The following PTAFR variants were observed in gnomAD, a reference collection of about 807,000 sequenced individuals.
PTAFR encodes platelet-activating factor receptor.
PTAFR carries 8 observed loss-of-function variants against 14.7 expected under a neutral mutation model. That is an observed-to-expected ratio of 0.54 (90% CI 0.32 to 0.98). PTAFR has a LOEUF of 0.98. Ranked by LOEUF, PTAFR falls within the 50% of genes least tolerant of loss-of-function variation. The pLI, the probability that PTAFR is intolerant of heterozygous loss-of-function variation, is 0.04. For missense variants in PTAFR, 337 were observed against 451.2 expected (o/e 0.75, Z 2.29); for synonymous variants, 156 against 176.5 (o/e 0.88, Z 0.92).
chr1:28,180,273 G>A (rs1429679600), upstream of PTAFR, among the ~76,000 whole-genome samples: 3 of 152,150 alleles, frequency 2.0e-5, no homozygotes, highest in East Asian at 1.9e-4. Context: ...CCAACTACCC[G>A]GGAGGCTGAG....
At chr1:28,167,815 G>A (rs918978594) in intron 1 of PTAFR, among the ~76,000 whole-genome samples, 2 of 143,818 alleles carry the variant, frequency 1.4e-5, no homozygotes, top group Admixed American at 7.0e-5. Flanking sequence ...ATTTTTGTAC[G>A]TTTAGTAGAG....
chr1:28,149,584 G>GTATCATTAAAAAA lies in PTAFR; in HGVS notation c.*408_*409insTTTTTTAATGATA. The GTATCATTAAAAAA allele has an allele frequency of 5.6e-6, 1 of 177,868 alleles. No individual in the cohort carries two copies. Among genetic ancestry groups the GTATCATTAAAAAA allele is most frequent in the South Asian group, 1.2e-4 (1 of 8,168 alleles). The allele number at this position is 177,868 out of a possible 1,614,324, so 11.0% of individuals were successfully genotyped here. The stretch of plus-strand genomic sequence containing the variant: ...TCTTGACCCATGATCTGCCCACCTC[G>GTATCATTAAAAAA]GCCTCCCAAAGTGCTGGGATTACAG... On this transcript the variant is annotated 3_prime_UTR_variant, in exon 2 of 2. Coordinates refer to ENST00000373857, the MANE Select transcript of PTAFR (RefSeq NM_000952.5).
chr1:28,170,041 G>C (rs981080730), intron 1 of PTAFR, among the ~76,000 whole-genome samples: 7 of 151,534 alleles, frequency 4.6e-5, no homozygotes, highest in Admixed American at 1.3e-4. Context: ...GGTCTACAGT[G>C]AGAGCTCATT....
chr1:28,184,936 G>A (rs1646594195), intron 1 of PTAFR, among the ~76,000 whole-genome samples: 2 of 151,506 alleles, frequency 1.3e-5, no homozygotes, highest in African/African-American at 2.4e-5. Context: ...CACCATGCCC[G>A]GCCTCACCTC....
chr1:28,182,836 A>G (rs1431240770), intron 1 of PTAFR, among the ~76,000 whole-genome samples: 1 of 152,080 alleles, frequency 6.6e-6, no homozygotes, highest in Non-Finnish European at 1.5e-5. Flanking sequence ...ACCTGCCACC[A>G]TCCCTGGCTA....
intron 1 of PTAFR, among the ~76,000 whole-genome samples, chr1:28,160,662 T>C (rs1646313850): frequency 6.6e-6 from 1 of 150,400 alleles, no homozygotes; most frequent in Non-Finnish European, 1.5e-5. Flanking sequence ...ACCTAGGAGA[T>C]TGTATACTTG....
intron 1 of PTAFR, among the ~76,000 whole-genome samples, chr1:28,169,930 G>A (rs1203821955): frequency 6.6e-6 from 1 of 151,714 alleles, no homozygotes; most frequent in African/African-American, 2.4e-5. Flanking sequence ...AACCCAGGAG[G>A]CAGAGATTGC....
chr1:28,181,655 T>C (rs1001052945), upstream of PTAFR, among the ~76,000 whole-genome samples: 3 of 151,950 alleles, frequency 2.0e-5, no homozygotes, highest in Non-Finnish European at 4.4e-5. Context: ...GGCAGGAGAA[T>C]TGCTTGAACC....
intron 1 of PTAFR, among the ~76,000 whole-genome samples, chr1:28,174,003 G>A (rs932607272): frequency 2.6e-5 from 4 of 152,062 alleles, no homozygotes; most frequent in Non-Finnish European, 4.4e-5. Context: ...ATATGCTCCC[G>A]GCCCATCATT....
intron 1 of PTAFR, among the ~76,000 whole-genome samples, chr1:28,155,663 G>A (rs1646256115): frequency 6.6e-6 from 1 of 152,106 alleles, no homozygotes; most frequent in Admixed American, 6.6e-5. Context: ...CCAGGGGTTT[G>A]AGACCAGCCT....
At position 28,184,096 on chromosome 1, in the gene PTAFR, T is replaced by G. The variant is rs868005452; in HGVS notation, c.-39+9626A>C. Among the ~76,000 whole-genome samples the G allele has an allele frequency of 3.7e-3, 471 of 127,802 alleles. 3 individuals carry two copies. Among genetic ancestry groups the G allele is most frequent in the African/African-American group, 0.011 (313 of 28,996 alleles). 83.8% of individuals were successfully genotyped at this position (127,802 alleles called of 152,430 possible). On this transcript the variant is annotated intron_variant, in intron 1 of 1. Coordinates refer to the PTAFR transcript ENST00000305392. Reference sequence around the variant, plus strand: ...CCCATTAGTCTGTTTTTTTTTTTTTTTTTTTTTTTTTTTTGAGCTGGAGTC... The same window carrying G: ...CCCATTAGTCTGTTTTTTTTTTTTTGTTTTTTTTTTTTTTGAGCTGGAGTC...
At chr1:28,184,045 C>T (rs1432998057) in intron 1 of PTAFR, among the ~76,000 whole-genome samples, 2 of 151,076 alleles carry the variant, frequency 1.3e-5, no homozygotes, top group East Asian at 1.9e-4. Context: ...CCTCCTCCCT[C>T]GTCTCCCTGC....
chr1:28,155,781 T>G (rs1646257370), intron 1 of PTAFR, among the ~76,000 whole-genome samples: 2 of 151,956 alleles, frequency 1.3e-5, no homozygotes, highest in African/African-American at 2.4e-5. Flanking sequence ...GGTGGAAGGA[T>G]CAATTGAGCC....
chr1:28,189,790 C>T (rs919419102), intron 1 of PTAFR, among the ~76,000 whole-genome samples: 2 of 150,734 alleles, frequency 1.3e-5, no homozygotes, highest in South Asian at 4.2e-4. Context: ...CTCAGCCTCC[C>T]GAGTAGCAGA....
intron 1 of PTAFR, among the ~76,000 whole-genome samples, chr1:28,153,368 C>T (rs1341800854): frequency 1.3e-5 from 2 of 152,130 alleles, no homozygotes; most frequent in African/African-American, 2.4e-5. Context: ...CTCAGGGAAG[C>T]AGCAGGCAGG....
At chr1:28,156,832 G>C (rs1646268816) in intron 1 of PTAFR, among the ~76,000 whole-genome samples, 1 of 152,102 alleles carries the variant, frequency 6.6e-6, no homozygotes, top group African/African-American at 2.4e-5. Context: ...TTGCCTTGGG[G>C]GTCCTGTTTC....
chr1:28,154,941 C>A (rs1338998132), intron 1 of PTAFR, among the ~76,000 whole-genome samples: 1 of 151,948 alleles, frequency 6.6e-6, no homozygotes, highest in Non-Finnish European at 1.5e-5. Context: ...CAGAACATTC[C>A]AGGCAGAGAA....
intron 1 of PTAFR, among the ~76,000 whole-genome samples, chr1:28,184,776 A>G (rs1236115338): frequency 2.0e-5 from 3 of 152,050 alleles, no homozygotes; most frequent in African/African-American, 7.2e-5. Context: ...AGTAGCTGGC[A>G]TTACAGGCGT....
intron 1 of PTAFR, among the ~76,000 whole-genome samples, chr1:28,155,416 G>GGTCA (rs1646252845): frequency 1.3e-5 from 2 of 152,064 alleles, no homozygotes; most frequent in African/African-American, 4.8e-5. Flanking sequence ...TCACCATGTT[G>GGTCA]GTCAGGCTGA....
Sources: gnomAD v4.1 joint callset for allele counts (sites outside exome capture counted in the v4.1 genomes callset) on GRCh38, gnomAD v4.1.1 for gene constraint, MANE v1.5 for transcripts, NCBI Gene and HGNC (gene_info 2026-07-23, HGNC 2026-07-21) for gene names.